The following FGGY variants were observed in gnomAD, a reference collection of about 807,000 sequenced individuals.
FGGY encodes the protein FGGY carbohydrate kinase domain-containing protein.
A neutral mutation model predicts 71.3 loss-of-function variants in FGGY; 72 were observed. That is an observed-to-expected ratio of 1.01 (90% confidence interval 0.84 to 1.23). The LOEUF (loss-of-function observed/expected upper bound fraction) is 1.23, where lower values mean the gene tolerates loss of function less well. FGGY is among the 50% of genes most tolerant of loss of function. The pLI is 0.00. For missense variants in FGGY, 668 were observed against 682.3 expected (o/e 0.98, Z 0.23); for synonymous variants, 251 against 250.3 (o/e 1.00, Z -0.02).
intron 11 of FGGY, chr1:59,641,298 T>C (rs1020204469): frequency 6.2e-7 from 1 of 1,609,714 alleles, no homozygotes; most frequent in Non-Finnish European, 8.5e-7. Context: ...TGGATATCTG[T>C]ATATTCCGGC....
At chr1:59,746,568 G>A (rs1362355566) in intron 14 of FGGY, among the ~76,000 whole-genome samples, 1 of 152,108 alleles carries the variant, frequency 6.6e-6, no homozygotes, top group African/African-American at 2.4e-5. Flanking sequence ...GTTCACTTCA[G>A]CCTCAACCTC....
chr1:59,350,434 G>C (rs895229786), intron 4 of FGGY, among the ~76,000 whole-genome samples: 57 of 152,206 alleles, frequency 3.7e-4, no homozygotes, highest in African/African-American at 1.4e-3. Flanking sequence ...GCAATAGTTT[G>C]ACAGGAGCCT....
At chr1:59,380,070 A>T (rs76842607) in intron 5 of FGGY, among the ~76,000 whole-genome samples, 29,193 of 151,276 alleles carry the variant, frequency 0.19, 3,162 homozygotes, top group African/African-American at 0.28. Context: ...CTTGCGATAG[A>T]TTGCTGAGAA....
chr1:59,662,937 A>G (rs1225056493), intron 12 of FGGY, among the ~76,000 whole-genome samples: 1 of 152,242 alleles, frequency 6.6e-6, no homozygotes, highest in Non-Finnish European at 1.5e-5. Flanking sequence ...TGTATAAAAG[A>G]GTCATAGAAT....
At chr1:59,578,398 C>A (rs2096123312) in intron 8 of FGGY, among the ~76,000 whole-genome samples, 2 of 151,994 alleles carry the variant, frequency 1.3e-5, no homozygotes, top group Non-Finnish European at 2.9e-5. Context: ...CTTCCCCAGG[C>A]ACCTTGACCC....
chr1:59,495,337 T>A (rs949834234), intron 6 of FGGY, among the ~76,000 whole-genome samples: 16 of 152,144 alleles, frequency 1.1e-4, no homozygotes, highest in African/African-American at 3.4e-4. Context: ...TTAGTTTAAT[T>A]AGGCCCCATT....
chr1:59,389,800 C>T (rs1332363990), intron 5 of FGGY, among the ~76,000 whole-genome samples: 1 of 152,104 alleles, frequency 6.6e-6, no homozygotes, highest in Non-Finnish European at 1.5e-5. Flanking sequence ...AAAGTAGTCT[C>T]TTATTGTGGT....
chr1:59,410,326 A>G (rs893329571), intron 5 of FGGY, among the ~76,000 whole-genome samples: 2 of 152,276 alleles, frequency 1.3e-5, no homozygotes, highest in Admixed American at 6.5e-5. Flanking sequence ...ATGTTCTTCT[A>G]GGTTAACCTT....
intron 1 of FGGY, among the ~76,000 whole-genome samples, chr1:59,301,391 A>G (rs1351797926): frequency 6.6e-6 from 1 of 152,206 alleles, no homozygotes; most frequent in Non-Finnish European, 1.5e-5. Context: ...TGATCCTGTC[A>G]TCTGTAAATA....
At chr1:59,461,150 C>T (rs924954765) in intron 6 of FGGY, among the ~76,000 whole-genome samples, 1 of 152,108 alleles carries the variant, frequency 6.6e-6, no homozygotes, top group African/African-American at 2.4e-5. Context: ...TCAACCCCAT[C>T]GCAAGGAAGC....
At chr1:59,298,740 C>T (rs1375738400) in intron 1 of FGGY, among the ~76,000 whole-genome samples, 1 of 152,204 alleles carries the variant, frequency 6.6e-6, no homozygotes, top group Admixed American at 6.5e-5. Flanking sequence ...CCCCTACCTC[C>T]ACCCCCAGGG....
Position 59,340,066 on chromosome 1 carries a change from G to C in FGGY, c.310G>C (p.Glu104Gln). Residue 104 changes from glutamate to glutamine, a missense_variant, in exon 3 of 16, where the codon GAA (glutamate) becomes CAA (glutamine). Transcript: ENST00000303721. ...GTTTCACCCATTACCAGTCAACCAG[G>C]AAGGTAAGACCATGTCTCTTCCTTT... Reference protein sequence around the residue: ...KQFHPLPVNQEGDSHRNVIMW... With the variant: ...KQFHPLPVNQQGDSHRNVIMW... The C allele has an allele frequency of 6.2e-7, 1 of 1,607,326 alleles. No individual in the cohort carries two copies. The highest frequency in any genetic ancestry group is 1.1e-5 in the South Asian group (1 of 90,194).
intron 6 of FGGY, among the ~76,000 whole-genome samples, chr1:59,478,947 A>G (rs1466818746): frequency 6.6e-6 from 1 of 152,232 alleles, no homozygotes; most frequent in East Asian, 1.9e-4. Context: ...TTCATTTGAT[A>G]TAGTGACTCG....
intron 8 of FGGY, among the ~76,000 whole-genome samples, chr1:59,560,481 A>T (rs1445075864): frequency 1.3e-5 from 2 of 152,228 alleles, no homozygotes; most frequent in Admixed American, 6.5e-5. Context: ...ATTCACTGTG[A>T]CATATATACT....
chr1:59,350,305 G>A lies in FGGY; in HGVS notation c.465+3907G>A, dbSNP rs559493332. 3.9e-5 allele frequency among the ~76,000 whole-genome samples: 6 copies of A among 152,204 alleles called. No homozygotes were observed. The East Asian group carries it at 1.2e-3, about 29-fold the overall frequency. On this transcript the variant is annotated intron_variant, in intron 4 of 15. Transcript: ENST00000303721. ...ACAGTCCACTAGGGATAGTGGTAGG[G>A]GAGCATAAGGAATGGGGTGGATGCA...
intron 14 of FGGY, among the ~76,000 whole-genome samples, chr1:59,707,915 A>T (rs1436054294): frequency 1.3e-5 from 2 of 152,174 alleles, no homozygotes; most frequent in Admixed American, 1.3e-4. Context: ...TTGCTACAGA[A>T]TATGTTTGTA....
At chr1:59,515,644 T>G (rs1035956795) in intron 7 of FGGY, among the ~76,000 whole-genome samples, 1 of 152,224 alleles carries the variant, frequency 6.6e-6, no homozygotes, top group African/African-American at 2.4e-5. Flanking sequence ...GTCTTTCCCA[T>G]GCTGTTCTCG....
At chr1:59,659,168 C>T (rs1295001746) in intron 11 of FGGY, among the ~76,000 whole-genome samples, 1 of 152,162 alleles carries the variant, frequency 6.6e-6, no homozygotes, top group Non-Finnish European at 1.5e-5. Context: ...CACCACTGCA[C>T]TCCAGCCTGG....
chr1:59,437,895 C>T (rs913486499), intron 5 of FGGY, among the ~76,000 whole-genome samples: 4 of 152,284 alleles, frequency 2.6e-5, no homozygotes, highest in South Asian at 4.1e-4. Context: ...TCTGACCAGT[C>T]AGGGAGAGAT....
Sources: gnomAD v4.1 joint callset for allele counts (sites outside exome capture counted in the v4.1 genomes callset) on GRCh38, gnomAD v4.1.1 for gene constraint, MANE v1.5 for transcripts, NCBI Gene and HGNC (gene_info 2026-07-23, HGNC 2026-07-21) for gene names.